The following CSNK1A1 variants were observed in gnomAD, a reference collection of about 807,000 sequenced individuals.
The protein encoded by CSNK1A1 is casein kinase I isoform alpha.
Under a neutral mutation model 46.1 loss-of-function variants are expected in CSNK1A1, and 7 were observed. That is an observed-to-expected ratio of 0.15 (90% confidence interval 0.09 to 0.29). CSNK1A1 has a LOEUF of 0.29. CSNK1A1 is among the 10% of genes least tolerant of loss of function. CSNK1A1 has a pLI of 1.00. For synonymous variants in CSNK1A1, 137 were observed against 141.5 expected, an observed-to-expected ratio of 0.97 and a Z score of 0.23; for missense variants, 96 against 417.1, an observed-to-expected ratio of 0.23 and a Z score of 6.71.
At chr5:149,529,647 G>C (rs1345646181) in intron 2 of CSNK1A1, 1 of 454,936 alleles carries the variant, frequency 2.2e-6, no homozygotes, top group African/African-American at 2.0e-5. Flanking sequence ...GTCATAAAGG[G>C]AAGAGTCAAG....
At position 149,505,524 on chromosome 5, in the gene CSNK1A1, G is replaced by C. The variant is rs1760994377; in HGVS notation, c.929C>G (p.Ala310Gly). The change falls in exon 9 of 10, where the codon GCC (alanine) becomes GGC (glycine). Residue 310 changes from alanine (A) to glycine (G), a missense_variant. Transcript: ENST00000377843. ...CTGCTGACCCTGCCCACTGGAAGAG[G>C]CTGCCTGCTGTGCTGCTTTCTGCTT... ...MLKQKAAQQAASSSGQGQQAQ... is the reference protein window; with the variant it reads ...MLKQKAAQQAGSSSGQGQQAQ... 1.9e-6 allele frequency: 3 copies of C among 1,614,108 alleles called. No individual in the cohort carries two copies. The East Asian group carries it at 6.7e-5, about 36-fold the overall frequency.
chr5:149,549,977 AC>A, intron 2 of CSNK1A1, 97 bp downstream of exon 2: 3 of 1,435,620 alleles, frequency 2.1e-6, no homozygotes, highest in Non-Finnish European at 2.8e-6. Flanking sequence ...TAACTAAAAC[AC>A]CAAGACCCGG....
Position 149,517,724 on chromosome 5 carries a change from A to C in CSNK1A1, c.456+2566T>G. 9.8e-7 allele frequency: 1 copy of C among 1,021,768 alleles called. No individual in the cohort carries two copies. Among genetic ancestry groups the C allele is most frequent in the Non-Finnish European group, 1.5e-6 (1 of 678,234 alleles). 63.3% of individuals were successfully genotyped at this position (1,021,768 alleles called of 1,614,324 possible). On this transcript the variant is annotated intron_variant, in intron 4 of 9. Coordinates refer to ENST00000377843, the MANE Select transcript of CSNK1A1 (RefSeq NM_001892.6). The surrounding 1 kb of genome is among the most constrained non-coding windows in gnomAD (Gnocchi z 4.4). ...GAATTAAAACAAAACAAAAATCATC[A>C]AAATAAAACAATAAAAAAGAAAAGC...
At chr5:149,505,017 A>G in intron 9 of CSNK1A1, 1 of 986,200 alleles carries the variant, frequency 1.0e-6, no homozygotes, top group South Asian at 4.7e-5. Flanking sequence ...AAAAATCTTA[A>G]CATTGTTAGT....
chr5:149,503,131 G>GT (rs1213535581), intron 9 of CSNK1A1: 2 of 985,246 alleles, frequency 2.0e-6, no homozygotes, highest in African/African-American at 3.5e-5. Context: ...AAATGCCCTT[G>GT]TTACTTAGAG....
intron 2 of CSNK1A1, among the ~76,000 whole-genome samples, chr5:149,542,636 A>ATG (rs1457895118): frequency 6.1e-4 from 6 of 9,780 alleles, no homozygotes; most frequent in African/African-American, 2.6e-3. Context: ...ATATATATAT[A>ATG]TATGTATATA....
At chr5:149,501,735 G>A in intron 9 of CSNK1A1, 5 of 985,360 alleles carry the variant, frequency 5.1e-6, no homozygotes, top group Non-Finnish European at 6.0e-6. Flanking sequence ...CCCCACCTCT[G>A]CCTGCCCTCA....
Position 149,495,079 on chromosome 5 carries a change from A to G in CSNK1A1, c.*1774T>C, listed in dbSNP as rs1235488836. On this transcript the variant is annotated 3_prime_UTR_variant, in exon 10 of 10. Transcript: ENST00000377843. Reference sequence around the variant, plus strand: ...AATACCTCAACCGACAAGGGTGGATAGAAAAGAAACAAAGAAGCTGCCTAC... The same window carrying G: ...AATACCTCAACCGACAAGGGTGGATGGAAAAGAAACAAAGAAGCTGCCTAC... The G allele has an allele frequency of 6.6e-6, 1 of 152,260 alleles. No individual in the cohort carries two copies. Among genetic ancestry groups the G allele is most frequent in the Non-Finnish European group, 1.5e-5 (1 of 68,050 alleles). 9.4% of individuals were successfully genotyped at this position (152,260 alleles called of 1,614,324 possible). A position where few individuals can be genotyped will look rare whatever the true frequency, so the allele number is the denominator to read the frequency against.
intron 2 of CSNK1A1, among the ~76,000 whole-genome samples, chr5:149,532,715 T>C (rs1218320432): frequency 2.0e-5 from 3 of 152,158 alleles, no homozygotes; most frequent in South Asian, 2.1e-4. Context: ...GTGATTTCTA[T>C]TGGTGACAAA....
intron 2 of CSNK1A1, among the ~76,000 whole-genome samples, chr5:149,532,082 T>C (rs894624832): frequency 1.4e-4 from 21 of 152,060 alleles, no homozygotes; most frequent in Non-Finnish European, 2.9e-4. Context: ...TTTCACCATG[T>C]TGGCCAGGCT....
intron 2 of CSNK1A1, among the ~76,000 whole-genome samples, chr5:149,542,592 T>TTATATATATATATATATATATATATATA (rs1160379269): frequency 3.7e-5 from 1 of 26,706 alleles, no homozygotes; most frequent in African/African-American, 1.3e-4. Context: ...AGATACAAAT[T>TTATATATATATATATATATATATATATA]TATATATATA....
chr5:149,538,022 T>TTTG (rs1268036334), intron 2 of CSNK1A1, among the ~76,000 whole-genome samples: 2 of 138,726 alleles, frequency 1.4e-5, no homozygotes, highest in East Asian at 4.2e-4. Flanking sequence ...CAGTTTTTTT[T>TTTG]TTTTTTTTTT....
chr5:149,525,814 C>T lies in CSNK1A1; in HGVS notation c.231-643G>A, dbSNP rs946434011. The stretch of plus-strand genomic sequence containing the variant: ...AGTATCAACTGCCAATTTCATTTAT[C>T]CCAAGGACTGAAAATCACTGCAATA... On this transcript the variant is annotated intron_variant, in intron 2 of 9. Transcript: ENST00000377843. This position sits in a 1 kb window ranked among gnomAD's most constrained non-coding sequence, Gnocchi z 4.2. Among the ~76,000 whole-genome samples the T allele has an allele frequency of 6.6e-5, 10 of 152,134 alleles. No homozygotes were observed. The highest frequency in any genetic ancestry group is 2.4e-4 in the African/African-American group (10 of 41,424).
At chr5:149,500,576 CT>C (rs889816265) in intron 9 of CSNK1A1, among the ~76,000 whole-genome samples, 2 of 151,260 alleles carry the variant, frequency 1.3e-5, no homozygotes, top group South Asian at 2.1e-4. Context: ...CGCACCCGGC[CT>C]TTTTTTTTCT....
At chr5:149,514,992 T>C (rs1175704538) in intron 4 of CSNK1A1, among the ~76,000 whole-genome samples, 1 of 152,210 alleles carries the variant, frequency 6.6e-6, no homozygotes, top group Non-Finnish European at 1.5e-5. Flanking sequence ...TAAGTTTCTC[T>C]TGATATGAAA....
chr5:149,498,500 G>T, intron 9 of CSNK1A1: 1 of 985,190 alleles, frequency 1.0e-6, no homozygotes, highest in Non-Finnish European at 1.2e-6. Context: ...TACAGGAAAA[G>T]TTTCAAGCTT....
intron 5 of CSNK1A1, among the ~76,000 whole-genome samples, chr5:149,512,529 A>G (rs1331620485): frequency 6.6e-6 from 1 of 152,068 alleles, no homozygotes; most frequent in Non-Finnish European, 1.5e-5. Context: ...GATGAAAGGA[A>G]CTCGAAACTC....
chr5:149,544,737 TTATATATATATATATA>T lies in CSNK1A1; in HGVS notation c.230+5322_230+5337del, dbSNP rs375444306. ...GTGAGGATGATGAGGGTAAAGAGCT[TTATATATATATATATA>T]TATATATATATAGTTATTGACCAAT... On this transcript the variant is annotated intron_variant, in intron 2 of 9. Transcript: ENST00000377843. Among the ~76,000 whole-genome samples, 11 of 80,806 alleles carry T rather than the reference TTATATATATATATATA, an allele frequency of 1.4e-4. 1 individual carries two copies. In the East Asian group the frequency reaches 4.5e-3, roughly 33 times the overall value. The allele number at this position is 80,806 out of a possible 152,430, so 53.0% of individuals were successfully genotyped here. A position where few individuals can be genotyped will look rare whatever the true frequency, so the allele number is the denominator to read the frequency against.
chr5:149,516,981 T>C (rs1761424088), intron 4 of CSNK1A1, among the ~76,000 whole-genome samples: 1 of 152,200 alleles, frequency 6.6e-6, no homozygotes, highest in Non-Finnish European at 1.5e-5. Flanking sequence ...TTAAGATTCA[T>C]TTGCTCAGGA....
Sources: allele counts gnomAD v4.1 joint callset (sites outside exome capture counted in the v4.1 genomes callset), GRCh38; gene constraint gnomAD v4.1.1; non-coding constraint Gnocchi (gnomAD v3.1); transcripts MANE v1.5; gene names NCBI Gene and HGNC (gene_info 2026-07-23, HGNC 2026-07-21).